DAP: variants seen among roughly 807,000 people sequenced by gnomAD.
DAP encodes the protein death-associated protein 1.
DAP carries 8 observed loss-of-function variants against 13.8 expected under a neutral mutation model. The observed-to-expected ratio is 0.58, with a 90% CI of 0.34 to 1.05. The LOEUF is 1.05. Among genes scored for constraint, DAP ranks in the 50% least tolerant of loss-of-function variants. DAP has a pLI of 0.03. For synonymous variants in DAP, 47 were observed against 47.5 expected (o/e 0.99, Z 0.04); for missense variants, 106 against 133.2 (o/e 0.80, Z 1.01).
At chr5:10,729,375 C>G (rs1426443965) in intron 2 of DAP, among the ~76,000 whole-genome samples, 1 of 152,216 alleles carries the variant, frequency 6.6e-6, no homozygotes, top group Admixed American at 6.5e-5. Context: ...CTTCCCTCCC[C>G]TTCATTTCCT....
chr5:10,702,420 C>T (rs889569299), intron 2 of DAP, among the ~76,000 whole-genome samples: 1 of 152,130 alleles, frequency 6.6e-6, no homozygotes, highest in Non-Finnish European at 1.5e-5. Flanking sequence ...TTTTTGTGAC[C>T]CGACAATCTG....
intron 2 of DAP, among the ~76,000 whole-genome samples, chr5:10,687,897 ATTG>A (rs1386400774): frequency 7.2e-6 from 1 of 138,628 alleles, no homozygotes; most frequent in Non-Finnish European, 1.5e-5. Context: ...CACAAACTTC[ATTG>A]TTGTCTTTTT....
At chr5:10,718,005 T>C (rs1021539301) in intron 2 of DAP, among the ~76,000 whole-genome samples, 9 of 152,346 alleles carry the variant, frequency 5.9e-5, no homozygotes, top group Admixed American at 3.9e-4. Context: ...ACCCCTTGAA[T>C]GAAGGGGAGG....
intron 2 of DAP, among the ~76,000 whole-genome samples, chr5:10,693,540 GTC>G (rs1410793828): frequency 6.6e-6 from 1 of 152,168 alleles, no homozygotes; most frequent in Non-Finnish European, 1.5e-5. Context: ...AACTCTCTTG[GTC>G]CTGTGAGGCA....
intron 2 of DAP, among the ~76,000 whole-genome samples, chr5:10,730,878 G>GA (rs1739440988): frequency 9.0e-6 from 1 of 111,488 alleles, no homozygotes; most frequent in East Asian, 2.9e-4. Context: ...CTGGTGGGGG[G>GA]AATCTTTCTC....
At chr5:10,760,585 C>G (rs1740316661) in intron 1 of DAP, among the ~76,000 whole-genome samples, 1 of 152,234 alleles carries the variant, frequency 6.6e-6, no homozygotes, top group Non-Finnish European at 1.5e-5. Context: ...GTATGAAACG[C>G]TGGCAGCCTC....
Position 10,680,855 on chromosome 5 carries a change from C to T in DAP, c.*201G>A. ...ACAATGATCCTCAAATGACATCCAA[C>T]CAGACTCCCCATAAACAAGGTTTGG... On this transcript the variant is annotated 3_prime_UTR_variant, in exon 4 of 4. Coordinates refer to ENST00000230895, the MANE Select transcript of DAP (RefSeq NM_004394.3). 2 of 1,536,952 alleles carry T rather than the reference C, an allele frequency of 1.3e-6. No individual in the cohort carries two copies. The highest frequency in any genetic ancestry group is 1.7e-4 in the Middle Eastern group (1 of 5,992).
In DAP at chr5:10,680,499, T is replaced by C. The variant is rs577617917; in HGVS notation, c.*557A>G. 141 of 556,788 alleles carry C rather than the reference T, an allele frequency of 2.5e-4. 1 individual carries two copies. The South Asian group carries it at 3.4e-3, about 13-fold the overall frequency. The allele number at this position is 556,788 out of a possible 1,614,324, so 34.5% of individuals were successfully genotyped here. On this transcript the variant is annotated 3_prime_UTR_variant, in exon 4 of 4. Coordinates refer to ENST00000230895, the MANE Select transcript of DAP (RefSeq NM_004394.3). ...ATGCATGCTTTTTCGGCTTTTCTCA[T>C]GGGTGCCTCATCAGCCTGCACAGGA...
intron 2 of DAP, among the ~76,000 whole-genome samples, chr5:10,693,587 C>G (rs543093803): frequency 6.6e-5 from 10 of 152,270 alleles, no homozygotes; most frequent in African/African-American, 2.4e-4. Flanking sequence ...AATGGTAAAT[C>G]AGAAAGGACC....
chr5:10,761,021 C>A lies in DAP; in HGVS notation c.48G>T (p.Pro16=). Residue 16 remains proline, a synonymous_variant, in exon 1 of 4, where the codon CCG becomes CCT. Coordinates refer to ENST00000230895, the MANE Select transcript of DAP (RefSeq NM_004394.3). ...GAGGAAAAGAGTCAGTACCGGCGGG[C>A]GGGTGTCCAGCTTTAGTCTCTAGTT... ...EGKLETKAGH[P]PAVKAGGMRI... The A allele has an allele frequency of 8.2e-7, 1 of 1,213,376 alleles. No individual in the cohort carries two copies. Among genetic ancestry groups the A allele is most frequent in the Admixed American group, 4.4e-5 (1 of 22,798 alleles). 75.2% of individuals were successfully genotyped at this position (1,213,376 alleles called of 1,614,324 possible).
At chr5:10,696,297 C>G (rs1738437389) in intron 2 of DAP, among the ~76,000 whole-genome samples, 2 of 152,178 alleles carry the variant, frequency 1.3e-5, no homozygotes, top group Non-Finnish European at 2.9e-5. Flanking sequence ...GGGCACAGCC[C>G]AGGCACCACT....
chr5:10,760,889 C>T lies in DAP; in HGVS notation c.55+125G>A, dbSNP rs996400872. Reference sequence around the variant, plus strand: ...CCGCGGCCCGCGCCCCTCGGGCGGGCATCAAGGCCCGGAACCCGTCTCAGC... The same window carrying T: ...CCGCGGCCCGCGCCCCTCGGGCGGGTATCAAGGCCCGGAACCCGTCTCAGC... On this transcript the variant is annotated intron_variant, in intron 1 of 3. Coordinates refer to ENST00000230895, the MANE Select transcript of DAP (RefSeq NM_004394.3). The T allele has an allele frequency of 5.8e-5, 30 of 521,256 alleles. No homozygotes were observed. The African/African-American group carries it at 5.8e-4, about 10-fold the overall frequency. The allele number at this position is 521,256 out of a possible 1,614,324, so 32.3% of individuals were successfully genotyped here.
chr5:10,739,447 T>C (rs534942565), intron 2 of DAP, among the ~76,000 whole-genome samples: 1 of 152,202 alleles, frequency 6.6e-6, no homozygotes, highest in Non-Finnish European at 1.5e-5. Flanking sequence ...TTATATGTTG[T>C]CTAATTGACC....
rs75918090 is a variant in DAP at position 10,740,830 on chromosome 5, A to T, written c.152+7345T>A. On this transcript the variant is annotated intron_variant, in intron 2 of 3. Transcript: ENST00000230895. ...AGACAGAAACCCAGTGGGAAGAAAT[A>T]AAGGACACCAGACAGAATGAACATT... is the stretch of plus-strand genomic sequence containing the variant. Among the ~76,000 whole-genome samples, 1,055 of 152,364 alleles carry T rather than the reference A, an allele frequency of 6.9e-3. 9 individuals are homozygous for T. The highest frequency in any genetic ancestry group is 0.024 in the African/African-American group (1,004 of 41,588).
At chr5:10,685,291 G>A (rs1033313650) in intron 2 of DAP, among the ~76,000 whole-genome samples, 14 of 46,336 alleles carry the variant, frequency 3.0e-4, no homozygotes, top group African/African-American at 2.5e-3. Flanking sequence ...CTTCCTTTAC[G>A]TACATGATTT....
At chr5:10,742,458 C>CAA (rs1415395220) in intron 2 of DAP, among the ~76,000 whole-genome samples, 1 of 152,138 alleles carries the variant, frequency 6.6e-6, no homozygotes. Flanking sequence ...AACCGGAAGA[C>CAA]AGAGGTTGCA....
intron 2 of DAP, 111 bp from the exon 3 acceptor site, chr5:10,683,682 A>G (rs1363325588): frequency 3.1e-6 from 3 of 976,036 alleles, no homozygotes; most frequent in African/African-American, 1.6e-5. Context: ...TGGAGGCAGA[A>G]TGGGAAGCAA....
At chr5:10,746,265 C>A (rs1388788941) in intron 2 of DAP, among the ~76,000 whole-genome samples, 1 of 151,812 alleles carries the variant, frequency 6.6e-6, no homozygotes, top group Non-Finnish European at 1.5e-5. Context: ...GTTGCTGATG[C>A]TGTTACGTTC....
At chr5:10,741,363 AG>A in intron 2 of DAP, among the ~76,000 whole-genome samples, 1 of 152,304 alleles carries the variant, frequency 6.6e-6, no homozygotes, top group East Asian at 1.9e-4. Context: ...AAAAAAAAGC[AG>A]GTGCGGTGGG....
Sources: allele counts gnomAD v4.1 joint callset (sites outside exome capture counted in the v4.1 genomes callset), GRCh38; gene constraint gnomAD v4.1.1; transcripts MANE v1.5; gene names NCBI Gene and HGNC (gene_info 2026-07-23, HGNC 2026-07-21).